Variants in ACSS3 observed in about 807,000 individuals in gnomAD.
ACSS3 encodes acyl-CoA synthetase short-chain family member 3, mitochondrial.
A neutral mutation model predicts 84.2 loss-of-function variants in ACSS3; 64 were observed. The ratio of observed to expected loss-of-function variants is 0.76; its 90% CI spans 0.62 to 0.94. The LOEUF is 0.94. ACSS3 is among the 40% of genes least tolerant of loss of function. ACSS3 has a pLI of 0.00. For synonymous variants in ACSS3, 317 were observed against 310.1 expected (o/e 1.02, Z -0.23); for missense variants, 815 against 867.6 (o/e 0.94, Z 0.76).
At chr12:81,232,457 C>T (rs558725246) in intron 12 of ACSS3, among the ~76,000 whole-genome samples, 1 of 151,822 alleles carries the variant, frequency 6.6e-6, no homozygotes, top group African/African-American at 2.4e-5. Context: ...CTGAGATGAA[C>T]CAAAATAGTC....
intron 12 of ACSS3, 144 bp from the exon 13 acceptor site, chr12:81,233,205 G>C (rs768080664): frequency 7.6e-6 from 6 of 785,288 alleles, no homozygotes; most frequent in South Asian, 2.1e-5. Context: ...ATAAAAAGTA[G>C]TGTAATTTCC....
chr12:81,219,166 GC>G (rs2033022140), intron 10 of ACSS3, among the ~76,000 whole-genome samples: 1 of 152,026 alleles, frequency 6.6e-6, no homozygotes, highest in African/African-American at 2.4e-5. Flanking sequence ...TAGTGATTTG[GC>G]CACTGTACTG....
chr12:81,140,429 A>G (rs2135726183), intron 4 of ACSS3, among the ~76,000 whole-genome samples: 1 of 152,336 alleles, frequency 6.6e-6, no homozygotes, highest in Middle Eastern at 3.4e-3. Context: ...GCAAGACTGC[A>G]AAGAATCATG....
At chr12:81,127,641 G>T (rs1409085233) in intron 2 of ACSS3, among the ~76,000 whole-genome samples, 1 of 151,980 alleles carries the variant, frequency 6.6e-6, no homozygotes, top group African/African-American at 2.4e-5. Context: ...TTTTTGTTAC[G>T]GTTTAGACCA....
chr12:81,131,553 T>C (rs1885505546), intron 2 of ACSS3, among the ~76,000 whole-genome samples: 1 of 152,194 alleles, frequency 6.6e-6, no homozygotes, highest in Non-Finnish European at 1.5e-5. Flanking sequence ...TTTCTGAATA[T>C]GCAATCATTC....
chr12:81,174,255 CA>C (rs1692223929), intron 7 of ACSS3, among the ~76,000 whole-genome samples: 3 of 152,118 alleles, frequency 2.0e-5, no homozygotes, highest in Admixed American at 2.0e-4. Context: ...CTGTGGAAAA[CA>C]TGCACTTTGG....
At chr12:81,213,345 A>G (rs1348402006) in intron 9 of ACSS3, among the ~76,000 whole-genome samples, 2 of 152,062 alleles carry the variant, frequency 1.3e-5, no homozygotes, top group African/African-American at 2.4e-5. Context: ...GTGTGAGGAA[A>G]TATGTATATG....
chr12:81,182,006 T>C (rs1321618309), intron 8 of ACSS3, among the ~76,000 whole-genome samples: 1 of 152,146 alleles, frequency 6.6e-6, no homozygotes, highest in Non-Finnish European at 1.5e-5. Flanking sequence ...AAATAAATTA[T>C]GAAAAATTCT....
intron 9 of ACSS3, among the ~76,000 whole-genome samples, chr12:81,202,754 T>C (rs2032166630): frequency 6.6e-6 from 1 of 152,192 alleles, no homozygotes. Context: ...GAAACTGTGA[T>C]GTGTAATTTG....
intron 2 of ACSS3, among the ~76,000 whole-genome samples, chr12:81,123,676 T>G (rs1170640758): frequency 6.6e-6 from 1 of 152,152 alleles, no homozygotes; most frequent in Non-Finnish European, 1.5e-5. Context: ...TATTTCCATA[T>G]GTACACAATG....
At chr12:81,083,931 C>T (rs566901231) in intron 1 of ACSS3, among the ~76,000 whole-genome samples, 2 of 152,082 alleles carry the variant, frequency 1.3e-5, no homozygotes, top group South Asian at 2.1e-4. Flanking sequence ...TGCACTCCAG[C>T]CTGGTGACAG....
chr12:81,215,058 A>G (rs2032853633), intron 9 of ACSS3, among the ~76,000 whole-genome samples: 1 of 152,108 alleles, frequency 6.6e-6, no homozygotes, highest in African/African-American at 2.4e-5. Flanking sequence ...TCTCATATCC[A>G]TTTCGAAGGA....
intron 1 of ACSS3, among the ~76,000 whole-genome samples, chr12:81,107,257 A>G (rs1282433443): frequency 6.6e-6 from 1 of 151,912 alleles, no homozygotes; most frequent in Non-Finnish European, 1.5e-5. Flanking sequence ...GATGCAACAA[A>G]CATATTGAAA....
At chr12:81,206,436 T>G (rs2135915083) in intron 9 of ACSS3, among the ~76,000 whole-genome samples, 1 of 152,262 alleles carries the variant, frequency 6.6e-6, no homozygotes, top group East Asian at 1.9e-4. Flanking sequence ...AACTACTGTC[T>G]GATACATCTT....
At chr12:81,137,575 T>C (rs1214407619) in intron 3 of ACSS3, among the ~76,000 whole-genome samples, 2 of 152,100 alleles carry the variant, frequency 1.3e-5, no homozygotes, top group African/African-American at 2.4e-5. Context: ...CAGAAGAAGA[T>C]GGAAAGGATG....
intron 1 of ACSS3, among the ~76,000 whole-genome samples, chr12:81,081,669 T>C (rs1476385725): frequency 6.6e-6 from 1 of 152,236 alleles, no homozygotes; most frequent in Admixed American, 6.5e-5. Context: ...TCTCTTTCTA[T>C]GGAAGCATTG....
chr12:81,211,965 G>C (rs571243557), intron 9 of ACSS3, among the ~76,000 whole-genome samples: 4 of 152,216 alleles, frequency 2.6e-5, no homozygotes, highest in African/African-American at 9.6e-5. Flanking sequence ...CCGACCTCAG[G>C]ACCTCTGAAC....
chr12:81,141,159 C>T (rs1886074004), intron 4 of ACSS3, among the ~76,000 whole-genome samples: 1 of 152,190 alleles, frequency 6.6e-6, no homozygotes. Flanking sequence ...TAGAGATTAA[C>T]TGCCTGCTCC....
At chr12:81,240,902 T>C (rs1315932771) in intron 13 of ACSS3, among the ~76,000 whole-genome samples, 2 of 152,040 alleles carry the variant, frequency 1.3e-5, no homozygotes, top group Non-Finnish European at 2.9e-5. Context: ...TAGTTACATA[T>C]GTATACATGT....
Sources: allele counts gnomAD v4.1 joint callset (sites outside exome capture counted in the v4.1 genomes callset), GRCh38; gene constraint gnomAD v4.1.1; transcripts MANE v1.5; gene names NCBI Gene and HGNC (gene_info 2026-07-23, HGNC 2026-07-21).